CKAP5: variants seen among roughly 807,000 people sequenced by gnomAD.
The protein encoded by CKAP5 is cytoskeleton-associated protein 5.
CKAP5 carries 27 observed loss-of-function variants against 232.8 expected under a neutral mutation model. The observed-to-expected ratio is 0.12, with a 90% confidence interval of 0.09 to 0.16. The LOEUF (loss-of-function observed/expected upper bound fraction) is 0.16. CKAP5 is among the 10% of genes least tolerant of loss of function. The pLI is 1.00. For synonymous variants in CKAP5, 785 were observed against 841.1 expected, an observed-to-expected ratio of 0.93 and a Z score of 1.16; for missense variants, 1,838 against 2,424.7, an observed-to-expected ratio of 0.76 and a Z score of 5.08.
intron 22 of CKAP5, 48 bp downstream of exon 22, chr11:46,778,091 C>A: frequency 6.7e-7 from 1 of 1,498,318 alleles, no homozygotes; most frequent in Non-Finnish European, 9.1e-7. Context: ...GTAACTCCTG[C>A]AGCAGTGGGG....
At chr11:46,832,426 G>A (rs2134710397) in intron 1 of CKAP5, among the ~76,000 whole-genome samples, 1 of 152,280 alleles carries the variant, frequency 6.6e-6, no homozygotes, top group South Asian at 2.1e-4. Flanking sequence ...AAATCTTACT[G>A]TAGAAAGCTC....
intron 35 of CKAP5, among the ~76,000 whole-genome samples, chr11:46,756,600 C>G (rs920726316): frequency 1.3e-5 from 2 of 152,154 alleles, no homozygotes; most frequent in Non-Finnish European, 2.9e-5. Context: ...ATCTAATCCT[C>G]AGACCCCATT....
chr11:46,759,446 AG>A lies in CKAP5; in HGVS notation c.4395-5del. 3.7e-6 allele frequency: 6 copies of A among 1,609,922 alleles called. No homozygotes were observed. Among genetic ancestry groups the A allele is most frequent in the Non-Finnish European group, 5.1e-6 (6 of 1,178,616 alleles). On this transcript the variant is annotated splice_region_variant and splice_polypyrimidine_tract_variant and intron_variant, in intron 33 of 43. Transcript: ENST00000529230. Reference sequence around the variant, plus strand: ...CCCACTCATGCTTCGGGCTTGGCTAAGGGAAGCAAAAGGAGGCTCCTGAACT... The same window carrying A: ...CCCACTCATGCTTCGGGCTTGGCTAAGGAAGCAAAAGGAGGCTCCTGAACT...
Position 46,780,228 on chromosome 11 carries a change from G to A in CKAP5, c.2399C>T (p.Ala800Val), listed in dbSNP as rs1440402581. Residue 800 changes from alanine to valine, a missense_variant, in exon 20 of 44, where the codon GCC (alanine) becomes GTC (valine). This residue lies in a region of CKAP5 where 767 missense variants were observed against 954.6 expected (regional missense o/e 0.80). Transcript: ENST00000529230. Reference sequence around the variant, plus strand: ...TTCTGCATCTATCTGGGATAGGAGGGCAGGCTTCTCATCCTCAAAGAACAT... The same window carrying A: ...TTCTGCATCTATCTGGGATAGGAGGACAGGCTTCTCATCCTCAAAGAACAT... Reference protein sequence around the residue: ...LRMFFEDEKPALLSQIDAEFE... With the variant: ...LRMFFEDEKPVLLSQIDAEFE... The A allele has an allele frequency of 6.2e-7, 1 of 1,613,808 alleles. No homozygotes were observed. The highest frequency in any genetic ancestry group is 8.5e-7 in the Non-Finnish European group (1 of 1,179,874).
chr11:46,779,938 G>C (rs1014073078), intron 20 of CKAP5, among the ~76,000 whole-genome samples: 1 of 152,048 alleles, frequency 6.6e-6, no homozygotes, highest in Non-Finnish European at 1.5e-5. Flanking sequence ...CTCTGTTTCT[G>C]ATCTGGGCCA....
In CKAP5 at chr11:46,759,352, A is replaced by G. The variant is rs1433488198; in HGVS notation, c.4485T>C (p.Asn1495=). 2 of 1,613,744 alleles carry G rather than the reference A, an allele frequency of 1.2e-6. No individual in the cohort carries two copies. Among genetic ancestry groups the G allele is most frequent in the Non-Finnish European group, 8.5e-7 (1 of 1,179,874 alleles). ...CTGGCATTTCACATCGGACTGTACC[A>G]TTGTCATTCTCAATCTCATCTAGAT... ...QLDLDEIEND[N]GTVRCEMPEL... Residue 1495 remains asparagine, a synonymous_variant, in exon 34 of 44, where the codon AAT becomes AAC. Transcript: ENST00000529230.
intron 4 of CKAP5, among the ~76,000 whole-genome samples, chr11:46,813,851 T>C (rs1013807760): frequency 6.6e-6 from 1 of 152,016 alleles, no homozygotes; most frequent in Non-Finnish European, 1.5e-5. Flanking sequence ...TAGAAGATTA[T>C]AGGCCAGGTG....
At chr11:46,834,845 G>T (rs1463017118) in intron 1 of CKAP5, among the ~76,000 whole-genome samples, 1 of 151,896 alleles carries the variant, frequency 6.6e-6, no homozygotes, top group East Asian at 1.9e-4. Flanking sequence ...TCACTCTGTC[G>T]TCTGGGCTGG....
chr11:46,769,896 C>T, intron 26 of CKAP5, 67 bp downstream of exon 26: 1 of 1,525,930 alleles, frequency 6.6e-7, no homozygotes, highest in Non-Finnish European at 9.1e-7. Flanking sequence ...AAAGACAAGG[C>T]TGAATGTCTT....
chr11:46,803,331 TG>T (rs1260432137), intron 8 of CKAP5, among the ~76,000 whole-genome samples: 2 of 151,994 alleles, frequency 1.3e-5, no homozygotes, highest in Admixed American at 6.6e-5. Context: ...GAGTCTGGCT[TG>T]ATCTCAGCTC....
rs76993675 is a variant in CKAP5, at chr11:46,841,607, A to G, written c.-38+4613T>C. On this transcript the variant is annotated intron_variant, in intron 1 of 43. Transcript: ENST00000529230. ...AAGAGCTGAAGCTGTGCTGTCATCA[A>G]TTACTAAAGGTAAAAGTTATCCATG... is the stretch of plus-strand genomic sequence containing the variant. Among the ~76,000 whole-genome samples the G allele has an allele frequency of 4.7e-3, 717 of 152,304 alleles. 7 individuals carry two copies. Among genetic ancestry groups the G allele is most frequent in the African/African-American group, 0.016 (667 of 41,572 alleles).
At chr11:46,835,806 A>T (rs1565759669) in intron 1 of CKAP5, among the ~76,000 whole-genome samples, 1 of 152,180 alleles carries the variant, frequency 6.6e-6, no homozygotes, top group East Asian at 1.9e-4. Flanking sequence ...CTGGCTACTC[A>T]TTTTCATAAG....
chr11:46,751,800 C>T (rs964247767), intron 38 of CKAP5, among the ~76,000 whole-genome samples: 2 of 152,256 alleles, frequency 1.3e-5, no homozygotes, highest in East Asian at 3.9e-4. Flanking sequence ...ATCATTTAAC[C>T]TGGTAGAAAT....
At chr11:46,814,495 C>T (rs1460525340) in intron 4 of CKAP5, among the ~76,000 whole-genome samples, 5 of 152,118 alleles carry the variant, frequency 3.3e-5, no homozygotes, top group African/African-American at 1.2e-4. Flanking sequence ...ACATTTTTCT[C>T]CAAGATGTAG....
At chr11:46,828,707 G>A (rs530019997) in intron 1 of CKAP5, among the ~76,000 whole-genome samples, 2 of 152,202 alleles carry the variant, frequency 1.3e-5, no homozygotes, top group African/African-American at 2.4e-5. Flanking sequence ...GCTTATGAGC[G>A]AATTAAACAT....
At chr11:46,765,365 G>C (rs148558115) in intron 27 of CKAP5, 109 bp from the exon 28 acceptor site, 8 of 945,150 alleles carry the variant, frequency 8.5e-6, no homozygotes, top group Non-Finnish European at 1.2e-5. Context: ...ATCTTTCTAC[G>C]TGATATTTCA....
intron 9 of CKAP5, 66 bp downstream of exon 9, chr11:46,801,133 CA>C: frequency 1.8e-6 from 2 of 1,134,342 alleles, no homozygotes; most frequent in South Asian, 2.5e-5. Context: ...TTAAAGCAAA[CA>C]GCAAACTAGG....
At chr11:46,760,918 A>C (rs1402908531) in intron 32 of CKAP5, 134 bp from the exon 33 acceptor site, 4 of 744,706 alleles carry the variant, frequency 5.4e-6, no homozygotes, top group Non-Finnish European at 6.5e-6. Context: ...AACTACTATT[A>C]ATACCTGCCT....
chr11:46,790,366 A>T, intron 14 of CKAP5, 104 bp downstream of exon 14: 1 of 916,224 alleles, frequency 1.1e-6, no homozygotes, highest in Non-Finnish European at 1.7e-6. Context: ...GCTAAAAAAT[A>T]TCAATTAACT....
Sources: allele counts gnomAD v4.1 joint callset (sites outside exome capture counted in the v4.1 genomes callset), GRCh38; gene constraint gnomAD v4.1.1; regional missense constraint gnomAD v4.1.1; transcripts MANE v1.5; gene names NCBI Gene and HGNC (gene_info 2026-07-23, HGNC 2026-07-21).